Variants in TTN observed in about 807,000 individuals in gnomAD.
The protein encoded by TTN is titin, also known as connectin.
Under a neutral mutation model 3,223.0 loss-of-function variants are expected in TTN, and 1,525 were observed. The ratio of observed to expected loss-of-function variants is 0.47; its 90% CI spans 0.45 to 0.49. The LOEUF is 0.49. TTN is among the 20% of genes least tolerant of loss of function. The probability of loss-of-function intolerance (pLI) is 0.00; values close to 1 mark genes in which losing one functional copy is unlikely to be tolerated. For synonymous variants in TTN, 14,094 were observed against 15,161.0 expected, an observed-to-expected ratio of 0.93 and a Z score of 5.17; for missense variants, 40,786 against 43,424.0, an observed-to-expected ratio of 0.94 and a Z score of 5.40.
At chr2:178,751,036 T>C (rs1334674314) in intron 47 of TTN, 2 of 1,612,560 alleles carry the variant, frequency 1.2e-6, no homozygotes, top group South Asian at 1.1e-5. Flanking sequence ...TTGTGGGAAG[T>C]TCCTCAGATT....
At position 178,771,315 on chromosome 2, in the gene TTN, C is replaced by T; in HGVS notation, c.8012G>A (p.Gly2671Asp). ...LTNNIRSESD[G>D]HKRRLIIAAT... is the part of the protein sequence containing the mutation. ...AGCAATGATAAGTCTCCTTTTGTGG[C>T]CATCAGACTCACTTCTGATGTTGTT... Residue 2671 changes from glycine to aspartate, a missense_variant, in exon 34 of 363, where the codon GGC (glycine) becomes GAC (aspartate). Coordinates refer to ENST00000589042, the MANE Select transcript of TTN (RefSeq NM_001267550.2). The T allele has an allele frequency of 6.2e-7, 1 of 1,614,054 alleles. No individual in the cohort carries two copies. The highest frequency in any genetic ancestry group is 8.5e-7 in the Non-Finnish European group (1 of 1,179,998).
At chr2:178,551,398 C>G (rs532671003) in intron 335 of TTN, 138 bp from the exon 336 acceptor site, 1 of 750,092 alleles carries the variant, frequency 1.3e-6, no homozygotes, top group Non-Finnish European at 1.9e-6. Flanking sequence ...TTCAATCTCC[C>G]AAACTCATAT....
In TTN at chr2:178,548,189, G is replaced by A; in HGVS notation, c.93437C>T (p.Thr31146Ile). 1 of 1,613,882 alleles carries A rather than the reference G, an allele frequency of 6.2e-7. No homozygotes were observed. The highest frequency in any genetic ancestry group is 1.1e-5 in the South Asian group (1 of 91,086). Residue 31146 changes from threonine (T) to isoleucine (I), a missense_variant, in exon 339 of 363, where the codon ACT becomes ATT. Transcript: ENST00000589042. The surrounding 1 kb of genome is among the most constrained non-coding windows in gnomAD (Gnocchi z 4.3). ...KPDHDGGSRI[T>I]GYLLEMRQKG... ...TTGTCTCATTTCAAGCAGGTAGCCA[G>A]TGATCCGGCTGCCTCCATCGTGGTC...
chr2:178,614,650 AG>A lies in TTN; in HGVS notation c.48863del (p.Pro16288LeufsTer3), dbSNP rs794729320. 1 of 1,612,400 alleles carries A rather than the reference AG, an allele frequency of 6.2e-7. No homozygotes were observed. Among genetic ancestry groups the A allele is most frequent in the Non-Finnish European group, 8.5e-7 (1 of 1,179,120 alleles). ...TATCAGCCTTTGTCCAAGTTATTTT[AG>A]GTTCAGGTTTTCCGGTTACGGTGGC... ...LPATVTGKPE[P>X]KITWTKADMI... On this transcript the variant is annotated frameshift_variant, in exon 261 of 363. Transcript: ENST00000589042. LOFTEE classifies it high-confidence loss of function.
In TTN at chr2:178,538,142, T is replaced by C. The variant is rs116796065; in HGVS notation, c.99290-225A>G. The C allele has an allele frequency of 1.6e-3, 866 of 555,930 alleles. 6 individuals are homozygous for C. The highest frequency in any genetic ancestry group is 1.6e-3 in the Non-Finnish European group (512 of 319,798). The allele number at this position is 555,930 out of a possible 1,614,324, so 34.4% of individuals were successfully genotyped here. A position where few individuals can be genotyped will look rare whatever the true frequency, so the allele number is the denominator to read the frequency against. ...TTTATGTAGAGTGTTTTTTTCTCTT[T>C]ATGATTGGAAGGGGATTAATAATGT... On this transcript the variant is annotated intron_variant, in intron 354 of 362. Transcript: ENST00000589042.
intron 204 of TTN, 48 bp from the exon 205 acceptor site, chr2:178,652,015 G>A: frequency 6.2e-7 from 1 of 1,610,986 alleles, no homozygotes; most frequent in Non-Finnish European, 8.5e-7. Context: ...CTAAAACTGA[G>A]ATAGTTTGCA....
In TTN at chr2:178,630,881, G is replaced by A. The variant is rs200445568; in HGVS notation, c.44077C>T (p.Arg14693Cys). 1.5e-4 allele frequency: 242 copies of A among 1,613,232 alleles called. No individual in the cohort carries two copies. In the African/African-American group the frequency reaches 2.5e-3, roughly 17 times the overall value. ...SVEVMETETA[R>C]FETEISEDDI... The stretch of plus-strand genomic sequence containing the variant: ...TCTTCAGAGATTTCGGTTTCAAAGC[G>A]TGCTGTCTCAGTCTCCATCACCTCC... Residue 14693 changes from arginine (R) to cysteine (C), a missense_variant, in exon 238 of 363, where the codon CGC becomes TGC. Transcript: ENST00000589042.
chr2:178,541,636 A>G (rs1329038374), intron 349 of TTN, 52 bp from the exon 350 acceptor site: 3 of 1,472,848 alleles, frequency 2.0e-6, no homozygotes, highest in Non-Finnish European at 2.7e-6. Context: ...ACGTTAAAAC[A>G]ATGACTCATA....
rs1211749914 is a variant in TTN, at chr2:178,572,506, T to G, written c.73626A>C (p.Pro24542=). 1 of 1,613,250 alleles carries G rather than the reference T, an allele frequency of 6.2e-7. No individual in the cohort carries two copies. The highest frequency in any genetic ancestry group is 8.5e-7 in the Non-Finnish European group (1 of 1,179,600). ...TKTSVTLTWD[P]PLLDGGSKIK... ...TTTTTGAACCTCCATCAAGGAGAGG[T>G]GGGTCCCATGTGAGTGTGACAGATG... The change falls in exon 326 of 363, where the codon CCA becomes CCC. Residue 24542 remains proline (P), a synonymous_variant. Coordinates refer to ENST00000589042, the MANE Select transcript of TTN (RefSeq NM_001267550.2).
chr2:178,753,000 A>G, intron 47 of TTN, 124 bp downstream of exon 47: 6 of 716,994 alleles, frequency 8.4e-6, no homozygotes, highest in Admixed American at 2.6e-5. Flanking sequence ...TATATACTCT[A>G]AGAGATATAT....
chr2:178,584,378 C>T lies in TTN; in HGVS notation c.65173G>A (p.Val21725Ile), dbSNP rs368716894. The change falls in exon 311 of 363, where the codon GTA (valine) becomes ATA (isoleucine). Residue 21725 changes from valine to isoleucine, a missense_variant. Val to Ile is a conservative substitution (Grantham distance 29). Coordinates refer to ENST00000589042, the MANE Select transcript of TTN (RefSeq NM_001267550.2). ...CTGAATGAATACTCAAGACCTTCTA[C>T]AAGGCCAGCACAAGGATATTCAGTT... is the stretch of plus-strand genomic sequence containing the variant. ...RSTEYPCAGL[V>I]EGLEYSFRIY... 116 of 1,613,160 alleles carry T rather than the reference C, an allele frequency of 7.2e-5. No individual in the cohort carries two copies. The highest frequency in any genetic ancestry group is 9.0e-5 in the Non-Finnish European group (106 of 1,179,480).
chr2:178,799,982 T>C (rs1417175753), intron 4 of TTN, 72 bp from the exon 5 acceptor site: 4 of 1,521,318 alleles, frequency 2.6e-6, no homozygotes, highest in Non-Finnish European at 3.6e-6. Context: ...CTGTTAATTC[T>C]GACTACAAAG....
At position 178,744,636 on chromosome 2, in the gene TTN, T is replaced by C. The variant is rs1347397964; in HGVS notation, c.11312-2715A>G. ...GGAAAGCTTGTTATCTTGTTATTTA[T>C]ATATAATCTGAAATACAAATTACCA... On this transcript the variant is annotated intron_variant, in intron 47 of 362. Transcript: ENST00000589042. 3.2e-6 allele frequency: 3 copies of C among 948,286 alleles called. No individual in the cohort carries two copies. The African/African-American group carries it at 5.3e-5, about 17-fold the overall frequency. The allele number at this position is 948,286 out of a possible 1,614,324, so 58.7% of individuals were successfully genotyped here. A position where few individuals can be genotyped will look rare whatever the true frequency, so the allele number is the denominator to read the frequency against.
Position 178,722,314 on chromosome 2 carries a change from G to A in TTN, c.22473C>T (p.Cys7491=), listed in dbSNP as rs566454891. The A allele has an allele frequency of 7.1e-5, 115 of 1,612,154 alleles. No homozygotes were observed. The East Asian group carries it at 2.4e-3, about 34-fold the overall frequency. ...TDLSHSGQYS[C]SASNPLGTAS... is the part of the protein sequence containing the mutation. ...CTGTTCCAAGTGGGTTGGAAGCTGA[G>A]CAAGAGTACTGGCCAGAGTGACTCA... The change falls in exon 77 of 363, where the codon TGC becomes TGT. Residue 7491 remains cysteine, a synonymous_variant. Coordinates refer to ENST00000589042, the MANE Select transcript of TTN (RefSeq NM_001267550.2).
chr2:178,758,849 AG>A, intron 44 of TTN, 134 bp downstream of exon 44: 2 of 918,096 alleles, frequency 2.2e-6, no homozygotes, highest in Non-Finnish European at 3.5e-6. Flanking sequence ...GGCATATAAC[AG>A]GGAAATAATT....
At chr2:178,596,048 T>G (rs2051510419) in intron 294 of TTN, among the ~76,000 whole-genome samples, 1 of 147,858 alleles carries the variant, frequency 6.8e-6, no homozygotes. Context: ...TGGAGTTCAG[T>G]GGCACAATCT....
In TTN at chr2:178,769,649, GTA is replaced by G. The variant is rs769907387; in HGVS notation, c.8902+28_8902+29del. On this transcript the variant is annotated intron_variant, in intron 37 of 362. Transcript: ENST00000589042. ...AATATTTGATATTTTATATATATGT[GTA>G]TATATATATATATATTTTTTAACTT... 0.79 allele frequency: 1,002,775 copies of G among 1,263,018 alleles called. 376,514 individuals are homozygous for G. Among genetic ancestry groups the G allele is most frequent in the Non-Finnish European group, 0.81 (733,441 of 910,318 alleles). 78.2% of individuals were successfully genotyped at this position (1,263,018 alleles called of 1,614,324 possible). A position where few individuals can be genotyped will look rare whatever the true frequency, so the allele number is the denominator to read the frequency against.
chr2:178,576,731 A>G lies in TTN; in HGVS notation c.69513T>C (p.Ile23171=). The G allele has an allele frequency of 1.9e-6, 3 of 1,613,454 alleles. No individual in the cohort carries two copies. The highest frequency in any genetic ancestry group is 2.5e-6 in the Non-Finnish European group (3 of 1,179,612). ...CTCTCCTTTCTACATGATATCCTGT[A>G]ATTTCGCTGCCACCATCATCCACTG... ...KRPVDDGGSE[I]TGYHVERREK... is the part of the protein sequence containing the mutation. The change falls in exon 325 of 363, where the codon ATT becomes ATC. Residue 23171 remains isoleucine (I), a synonymous_variant. Transcript: ENST00000589042. The surrounding 1 kb of genome is among the most constrained non-coding windows in gnomAD (Gnocchi z 4.3).
intron 18 of TTN, 31 bp from the exon 19 acceptor site, chr2:178,782,633 T>TGA: frequency 6.2e-7 from 1 of 1,611,400 alleles, no homozygotes. Flanking sequence ...CTCATTGAGA[T>TGA]GAGATGTTTA....
Sources: gnomAD v4.1 joint callset for allele counts (sites outside exome capture counted in the v4.1 genomes callset) on GRCh38, gnomAD v4.1.1 for gene constraint, Gnocchi (gnomAD v3.1) non-coding constraint, MANE v1.5 for transcripts, NCBI Gene and HGNC (gene_info 2026-07-23, HGNC 2026-07-21) for gene names.